SRGAP1: variants seen among roughly 807,000 people sequenced by gnomAD.
SRGAP1 encodes the protein SLIT-ROBO Rho GTPase activating protein 1, also known as SLIT-ROBO Rho GTPase-activating protein 1.
Under a neutral mutation model 121.9 loss-of-function variants are expected in SRGAP1, and 43 were observed. The observed-to-expected ratio is 0.35, with a 90% CI of 0.28 to 0.46. SRGAP1 has a LOEUF of 0.46. SRGAP1 is among the 20% of genes least tolerant of loss of function. SRGAP1 has a pLI of 1.00. For missense variants in SRGAP1, 1,102 were observed against 1,350.9 expected, an observed-to-expected ratio of 0.82 and a Z score of 2.89; for synonymous variants, 447 against 485.4, an observed-to-expected ratio of 0.92 and a Z score of 1.04.
chr12:64,102,677 C>T (rs931416960), intron 15 of SRGAP1, among the ~76,000 whole-genome samples: 1 of 152,124 alleles, frequency 6.6e-6, no homozygotes, highest in Non-Finnish European at 1.5e-5. Context: ...AGTATGTTGT[C>T]CTTTGTGATT....
At chr12:64,018,699 A>G (rs986884975) in intron 4 of SRGAP1, among the ~76,000 whole-genome samples, 8 of 152,130 alleles carry the variant, frequency 5.3e-5, no homozygotes, top group Non-Finnish European at 1.2e-4. Flanking sequence ...GAAACTTTCC[A>G]CTCTCCATGC....
At chr12:64,034,556 T>C (rs1430371073) in intron 4 of SRGAP1, among the ~76,000 whole-genome samples, 1 of 152,262 alleles carries the variant, frequency 6.6e-6, no homozygotes, top group Non-Finnish European at 1.5e-5. Flanking sequence ...TGACCTGTTA[T>C]TGAAATGAAT....
chr12:64,114,763 T>C lies in SRGAP1; in HGVS notation c.2145-1051T>C, dbSNP rs77820950. ...TCAATATTATTTATATTCTAGGACA[T>C]TTTGTGATCGCTACTTTTTCCAGAC... On this transcript the variant is annotated intron_variant, in intron 17 of 21. Coordinates refer to ENST00000355086, the MANE Select transcript of SRGAP1 (RefSeq NM_020762.4). 1.3e-3 allele frequency among the ~76,000 whole-genome samples: 205 copies of C among 152,338 alleles called. 3 individuals carry two copies. The highest frequency in any genetic ancestry group is 0.011 in the Admixed American group (168 of 15,294).
chr12:63,889,632 G>A (rs139007059), intron 1 of SRGAP1, among the ~76,000 whole-genome samples: 80 of 152,264 alleles, frequency 5.3e-4, no homozygotes, highest in African/African-American at 1.9e-3. Context: ...AAATCCGGCC[G>A]AGTGTGGTGG....
chr12:63,887,070 C>T (rs1158031903), intron 1 of SRGAP1, among the ~76,000 whole-genome samples: 1 of 151,772 alleles, frequency 6.6e-6, no homozygotes, highest in Non-Finnish European at 1.5e-5. Flanking sequence ...GATAGGGTTT[C>T]ACCATGTTGG....
rs139775297 is a variant in SRGAP1, at chr12:63,893,956, G to A, written c.67+49073G>A. 2.4e-3 allele frequency among the ~76,000 whole-genome samples: 358 copies of A among 152,072 alleles called. 2 individuals carry two copies. The highest frequency in any genetic ancestry group is 4.0e-3 in the Non-Finnish European group (271 of 67,976). On this transcript the variant is annotated intron_variant, in intron 1 of 21. Coordinates refer to ENST00000355086, the MANE Select transcript of SRGAP1 (RefSeq NM_020762.4). ...TGGGTTCAAGTGATTCTCCTGCCTC[G>A]GCCTCTCAAGTAGCTGGGACTACAG...
At chr12:63,875,878 C>A (rs1266431739) in intron 1 of SRGAP1, among the ~76,000 whole-genome samples, 3 of 152,142 alleles carry the variant, frequency 2.0e-5, no homozygotes, top group African/African-American at 4.8e-5. Context: ...GCTAGAATTA[C>A]CAGCTGCTGT....
chr12:64,079,010 G>A lies in SRGAP1; in HGVS notation c.1217G>A (p.Arg406His), dbSNP rs751210214. Reference protein sequence around the residue: ...YDVSECFQHSRSTESVKSTVS... With the variant: ...YDVSECFQHSHSTESVKSTVS... ...GTTTCTGAATGCTTCCAGCACAGTC[G>A]TTCCACAGAATCAGTGAAGTCCACT... The change falls in exon 9 of 22, where the codon CGT becomes CAT. Residue 406 changes from arginine (R) to histidine (H), a missense_variant. This residue lies in a region of SRGAP1 where 747 missense variants were observed against 929.4 expected (regional missense o/e 0.80). Transcript: ENST00000355086. 67 of 1,613,962 alleles carry A rather than the reference G, an allele frequency of 4.2e-5. No homozygotes were observed. The highest frequency in any genetic ancestry group is 5.3e-5 in the Non-Finnish European group (63 of 1,180,008).
intron 1 of SRGAP1, among the ~76,000 whole-genome samples, chr12:63,869,395 T>C (rs561812834): frequency 6.6e-6 from 1 of 152,292 alleles, no homozygotes; most frequent in South Asian, 2.1e-4. Context: ...CTCCCGACAC[T>C]ACTGCACTGG....
chr12:63,892,505 G>A (rs1239925364), intron 1 of SRGAP1, among the ~76,000 whole-genome samples: 1 of 152,114 alleles, frequency 6.6e-6, no homozygotes, highest in East Asian at 1.9e-4. Flanking sequence ...ATGTTTTTGA[G>A]ATGCTTGTAT....
chr12:64,001,818 A>G (rs1450493452), intron 3 of SRGAP1, among the ~76,000 whole-genome samples: 1 of 152,238 alleles, frequency 6.6e-6, no homozygotes, highest in Non-Finnish European at 1.5e-5. Flanking sequence ...GTTAAATGAT[A>G]CACTAGGTAA....
intron 8 of SRGAP1, among the ~76,000 whole-genome samples, chr12:64,068,222 G>A (rs1040090141): frequency 3.5e-5 from 5 of 141,322 alleles, no homozygotes; most frequent in African/African-American, 5.3e-5. Flanking sequence ...GCAGTGAACC[G>A]AGATCGTGCC....
intron 1 of SRGAP1, among the ~76,000 whole-genome samples, chr12:63,871,165 T>C (rs1186703050): frequency 6.6e-6 from 1 of 152,216 alleles, no homozygotes; most frequent in Admixed American, 6.5e-5. Flanking sequence ...ATTTAAATGC[T>C]AATTTTCCTC....
chr12:63,902,595 A>G (rs61933089), intron 1 of SRGAP1, among the ~76,000 whole-genome samples: 7,322 of 152,316 alleles, frequency 0.048, 271 homozygotes, highest in Middle Eastern at 0.14. Flanking sequence ...AGATTTGGTT[A>G]TAAAGTAACT....
At chr12:63,886,781 TA>T (rs1900400430) in intron 1 of SRGAP1, among the ~76,000 whole-genome samples, 1 of 151,528 alleles carries the variant, frequency 6.6e-6, no homozygotes, top group African/African-American at 2.4e-5. Flanking sequence ...AAAACACATT[TA>T]AAAGGGATTT....
intron 4 of SRGAP1, chr12:64,032,400 ACT>A (rs2034800851): frequency 1.8e-6 from 1 of 552,652 alleles, no homozygotes; most frequent in South Asian, 2.0e-5. Flanking sequence ...ATAGTTAAAA[ACT>A]CTGCCTCATC....
intron 1 of SRGAP1, among the ~76,000 whole-genome samples, chr12:63,847,463 A>G (rs988203932): frequency 2.0e-5 from 3 of 152,168 alleles, no homozygotes; most frequent in Admixed American, 1.3e-4. Flanking sequence ...TCATTAAGAC[A>G]TAAGTCTAGG....
At chr12:64,003,086 G>A (rs1052918156) in intron 3 of SRGAP1, among the ~76,000 whole-genome samples, 1 of 147,850 alleles carries the variant, frequency 6.8e-6, no homozygotes, top group Non-Finnish European at 1.5e-5. Context: ...GAGGAAGGGA[G>A]GGTGGGAGGG....
chr12:63,908,899 CT>C (rs943184421), intron 1 of SRGAP1, among the ~76,000 whole-genome samples: 86 of 146,010 alleles, frequency 5.9e-4, no homozygotes, highest in Non-Finnish European at 5.8e-4. Flanking sequence ...CAATAATAAT[CT>C]TTTTTTTTTT....
Sources: allele counts gnomAD v4.1 joint callset (sites outside exome capture counted in the v4.1 genomes callset), GRCh38; gene constraint gnomAD v4.1.1; regional missense constraint gnomAD v4.1.1; transcripts MANE v1.5; gene names NCBI Gene and HGNC (gene_info 2026-07-23, HGNC 2026-07-21).